Variants in RNF216 observed in about 807,000 individuals in gnomAD.
RNF216 encodes the protein E3 ubiquitin-protein ligase RNF216.
In RNF216, 72 loss-of-function variants were observed where a neutral mutation model predicts 110.8. That is an observed-to-expected ratio of 0.65 (90% CI 0.54 to 0.79). RNF216 has a LOEUF of 0.79. Among genes scored for constraint, RNF216 ranks in the 30% least tolerant of loss-of-function variants. RNF216 has a pLI of 0.00. For missense variants in RNF216, 1,342 were observed against 1,141.2 expected, an observed-to-expected ratio of 1.18 and a Z score of -2.54; for synonymous variants, 495 against 407.5, an observed-to-expected ratio of 1.21 and a Z score of -2.59.
At chr7:5,659,433 G>A (rs1368582374) in intron 13 of RNF216, among the ~76,000 whole-genome samples, 3 of 152,214 alleles carry the variant, frequency 2.0e-5, no homozygotes, top group Admixed American at 1.3e-4. Context: ...TTCAGGGCAG[G>A]AGAGGGTCCG....
In RNF216 at chr7:5,696,287, T is replaced by C. The variant is rs1030822567; in HGVS notation, c.2061+15474A>G. On this transcript the variant is annotated intron_variant, in intron 13 of 16. Coordinates refer to ENST00000389902, the MANE Select transcript of RNF216 (RefSeq NM_207111.4). This position sits in a 1 kb window ranked among gnomAD's most constrained non-coding sequence, Gnocchi z 5.4. ...TGTTGCAAAAGGAGAATTAAGCAAT[T>C]CTCTGTATGCACATCACAGAGAAAT... Among the ~76,000 whole-genome samples, 6 of 152,174 alleles carry C rather than the reference T, an allele frequency of 3.9e-5. No individual in the cohort carries two copies. Among genetic ancestry groups the C allele is most frequent in the African/African-American group, 1.4e-4 (6 of 41,446 alleles).
intron 3 of RNF216, among the ~76,000 whole-genome samples, chr7:5,751,017 G>GT (rs1411458071): frequency 5.9e-5 from 9 of 152,222 alleles, no homozygotes; most frequent in Admixed American, 5.9e-4. Flanking sequence ...TAGCTATTTG[G>GT]TTTTAGTTGG....
At chr7:5,685,081 C>T (rs1790894109) in intron 13 of RNF216, among the ~76,000 whole-genome samples, 1 of 152,144 alleles carries the variant, frequency 6.6e-6, no homozygotes, top group African/African-American at 2.4e-5. Context: ...GTCTTGCCTG[C>T]CCTCAAGCCG....
chr7:5,653,290 C>T (rs1226596426), intron 13 of RNF216, among the ~76,000 whole-genome samples: 1 of 152,026 alleles, frequency 6.6e-6, no homozygotes, highest in Non-Finnish European at 1.5e-5. Flanking sequence ...TATCCCACAT[C>T]AGTAAGAATA....
At chr7:5,639,561 T>A (rs889733080) in intron 15 of RNF216, among the ~76,000 whole-genome samples, 1 of 151,804 alleles carries the variant, frequency 6.6e-6, no homozygotes, top group African/African-American at 2.4e-5. Context: ...CCTCCTGGGT[T>A]CAAGCAATTC....
chr7:5,643,931 T>A (rs1787896251), intron 14 of RNF216, among the ~76,000 whole-genome samples: 1 of 152,228 alleles, frequency 6.6e-6, no homozygotes, highest in Non-Finnish European at 1.5e-5. Context: ...TGATATTTCA[T>A]AGGAATGGAA....
chr7:5,677,212 G>A (rs1263826920), intron 13 of RNF216, among the ~76,000 whole-genome samples: 3 of 152,214 alleles, frequency 2.0e-5, no homozygotes, highest in Non-Finnish European at 1.5e-5. Context: ...GTGATTTAGA[G>A]ACTGCTCAGC....
intron 8 of RNF216, among the ~76,000 whole-genome samples, chr7:5,725,079 A>C (rs1025375225): frequency 1.2e-4 from 19 of 152,306 alleles, no homozygotes; most frequent in Non-Finnish European, 2.2e-4. Context: ...TCACACATGA[A>C]TTTTCTAACA....
At chr7:5,711,181 A>G (rs1485679310) in intron 13 of RNF216, among the ~76,000 whole-genome samples, 1 of 152,224 alleles carries the variant, frequency 6.6e-6, no homozygotes, top group Non-Finnish European at 1.5e-5. Flanking sequence ...ATTTTAAGAC[A>G]TTCTTAGTTC....
At chr7:5,663,724 C>G (rs997338362) in intron 13 of RNF216, among the ~76,000 whole-genome samples, 4 of 149,728 alleles carry the variant, frequency 2.7e-5, no homozygotes, top group African/African-American at 9.9e-5. Context: ...CATAGTGAAC[C>G]CTGTCTCTAC....
At chr7:5,732,790 A>T (rs1223361879) in intron 5 of RNF216, among the ~76,000 whole-genome samples, 1 of 152,210 alleles carries the variant, frequency 6.6e-6, no homozygotes, top group Non-Finnish European at 1.5e-5. Flanking sequence ...CCACCTCTTC[A>T]TATGACCTCA....
intron 1 of RNF216, among the ~76,000 whole-genome samples, chr7:5,777,828 A>C (rs1027485172): frequency 1.3e-5 from 2 of 152,228 alleles, no homozygotes; most frequent in African/African-American, 2.4e-5. Flanking sequence ...TTAAATCAAA[A>C]ATTAAACTCA....
chr7:5,745,590 G>A (rs1794989037), intron 3 of RNF216, among the ~76,000 whole-genome samples: 1 of 152,202 alleles, frequency 6.6e-6, no homozygotes, highest in East Asian at 1.9e-4. Flanking sequence ...AGGTGATTGA[G>A]TATAAAATTA....
chr7:5,679,873 G>A (rs575653997), intron 13 of RNF216, among the ~76,000 whole-genome samples: 11 of 152,282 alleles, frequency 7.2e-5, no homozygotes, highest in South Asian at 4.1e-4. Flanking sequence ...TCTGCTAAGC[G>A]GCCAGAGTCC....
intron 13 of RNF216, among the ~76,000 whole-genome samples, chr7:5,672,674 C>T (rs1716149503): frequency 6.6e-6 from 1 of 152,190 alleles, no homozygotes; most frequent in Admixed American, 6.5e-5. Flanking sequence ...TATGTGATCA[C>T]ATAAGCACAC....
intron 13 of RNF216, among the ~76,000 whole-genome samples, chr7:5,671,318 A>T (rs1238193240): frequency 6.6e-6 from 1 of 152,164 alleles, no homozygotes; most frequent in Non-Finnish European, 1.5e-5. Flanking sequence ...ACTGAATCAC[A>T]CGTGCTAAAA....
chr7:5,776,144 T>C (rs958178178), intron 1 of RNF216, among the ~76,000 whole-genome samples: 16 of 152,256 alleles, frequency 1.1e-4, no homozygotes, highest in African/African-American at 3.6e-4. Context: ...GCTGTGGATA[T>C]GGAGAGCTGA....
Position 5,624,980 on chromosome 7 carries a change from C to A in RNF216, c.2383-855G>T, listed in dbSNP as rs917899530. ...GCTTCATGAGTGGCGCTTACCTTAACCCCCCTCCTCAGTGACCCACAAAAC... is the reference window on the plus strand; with the variant it reads ...GCTTCATGAGTGGCGCTTACCTTAAACCCCCTCCTCAGTGACCCACAAAAC... On this transcript the variant is annotated intron_variant, in intron 15 of 16. Coordinates refer to ENST00000389902, the MANE Select transcript of RNF216 (RefSeq NM_207111.4). The surrounding 1 kb of genome is among the most constrained non-coding windows in gnomAD (Gnocchi z 4.4). 2.7e-5 allele frequency among the ~76,000 whole-genome samples: 4 copies of A among 146,924 alleles called. No individual in the cohort carries two copies. The highest frequency in any genetic ancestry group is 9.7e-5 in the African/African-American group (4 of 41,114).
chr7:5,706,885 T>G (rs1296276076), intron 13 of RNF216, among the ~76,000 whole-genome samples: 1 of 152,226 alleles, frequency 6.6e-6, no homozygotes, highest in African/African-American at 2.4e-5. Context: ...TTTCTTCTAG[T>G]TTTTATAGTT....
Sources: gnomAD v4.1 joint callset for allele counts (sites outside exome capture counted in the v4.1 genomes callset) on GRCh38, gnomAD v4.1.1 for gene constraint, Gnocchi (gnomAD v3.1) non-coding constraint, MANE v1.5 for transcripts, NCBI Gene and HGNC (gene_info 2026-07-23, HGNC 2026-07-21) for gene names.